The following GRID1 variants were observed in gnomAD, a reference collection of about 807,000 sequenced individuals.
GRID1 encodes the protein glutamate receptor ionotropic, delta-1.
GRID1 carries 28 observed loss-of-function variants against 98.0 expected under a neutral mutation model. That is an observed-to-expected ratio of 0.29 (90% CI 0.21 to 0.39). GRID1 has a LOEUF of 0.39. Ranked by LOEUF, GRID1 falls within the 10% of genes least tolerant of loss-of-function variation. GRID1 has a pLI of 1.00. For synonymous variants in GRID1, 553 were observed against 538.5 expected, an observed-to-expected ratio of 1.03 and a Z score of -0.37; for missense variants, 1,111 against 1,340.5, an observed-to-expected ratio of 0.83 and a Z score of 2.67.
At chr10:85,666,309 C>T (rs1366485176) in intron 12 of GRID1, among the ~76,000 whole-genome samples, 1 of 152,168 alleles carries the variant, frequency 6.6e-6, no homozygotes, top group Non-Finnish European at 1.5e-5. Flanking sequence ...AAACAGAAAG[C>T]ATGAAAGAAC....
intron 8 of GRID1, among the ~76,000 whole-genome samples, chr10:85,807,341 T>G (rs1842631888): frequency 6.7e-6 from 1 of 150,300 alleles, no homozygotes; most frequent in African/African-American, 2.4e-5. Flanking sequence ...CAGGGCAAGA[T>G]TCCATCTCCT....
At chr10:86,231,687 C>G (rs72841786) in intron 2 of GRID1, among the ~76,000 whole-genome samples, 7,711 of 152,214 alleles carry the variant, frequency 0.051, 294 homozygotes, top group Non-Finnish European at 0.079. Flanking sequence ...TTTGCTACCA[C>G]AAAAGGAAGC....
chr10:86,051,701 G>A (rs1454205839), intron 4 of GRID1, among the ~76,000 whole-genome samples: 3 of 152,158 alleles, frequency 2.0e-5, no homozygotes, highest in Admixed American at 2.0e-4. Context: ...GCTTAATCTT[G>A]TTCAAAAGAG....
At chr10:86,063,022 C>T (rs541376077) in intron 4 of GRID1, among the ~76,000 whole-genome samples, 69 of 152,208 alleles carry the variant, frequency 4.5e-4, no homozygotes, top group Non-Finnish European at 8.4e-4. Flanking sequence ...TACAGGGGTC[C>T]GTTCAGGAAT....
At chr10:85,683,908 G>A (rs1335466897) in intron 12 of GRID1, among the ~76,000 whole-genome samples, 1 of 151,980 alleles carries the variant, frequency 6.6e-6, no homozygotes, top group Non-Finnish European at 1.5e-5. Flanking sequence ...CTCTCGCTGG[G>A]CACAAAGGAA....
At chr10:86,174,602 C>T (rs1845546740) in intron 3 of GRID1, among the ~76,000 whole-genome samples, 1 of 152,140 alleles carries the variant, frequency 6.6e-6, no homozygotes, top group Admixed American at 6.5e-5. Context: ...CATGTCTAAA[C>T]ACCAAAAGCA....
chr10:86,202,927 C>T (rs1403826900), intron 3 of GRID1, among the ~76,000 whole-genome samples: 11 of 152,352 alleles, frequency 7.2e-5, no homozygotes, highest in South Asian at 2.1e-4. Context: ...TTGGCATCAA[C>T]TCTGACTGGC....
intron 3 of GRID1, among the ~76,000 whole-genome samples, chr10:86,162,657 T>A (rs1845339539): frequency 6.6e-6 from 1 of 152,212 alleles, no homozygotes; most frequent in Admixed American, 6.5e-5. Flanking sequence ...GCAAAAAGTC[T>A]GTCTGGATCT....
chr10:86,229,022 G>C (rs961724015), intron 2 of GRID1, among the ~76,000 whole-genome samples: 1 of 152,132 alleles, frequency 6.6e-6, no homozygotes, highest in Non-Finnish European at 1.5e-5. Flanking sequence ...CAGTAGGGAG[G>C]GGCTGCCTTG....
intron 4 of GRID1, among the ~76,000 whole-genome samples, chr10:86,136,884 G>A (rs373776964): frequency 4.6e-5 from 7 of 152,304 alleles, no homozygotes; most frequent in South Asian, 2.1e-4. Flanking sequence ...GATGGGATCC[G>A]TACTCTAAAC....
chr10:86,329,020 T>G (rs544630173), intron 2 of GRID1, among the ~76,000 whole-genome samples: 2 of 152,214 alleles, frequency 1.3e-5, no homozygotes, highest in Non-Finnish European at 2.9e-5. Context: ...CCAAAAGCCC[T>G]GTCACTATGG....
intron 4 of GRID1, among the ~76,000 whole-genome samples, chr10:86,032,293 C>G (rs1415727209): frequency 1.3e-5 from 2 of 152,168 alleles, no homozygotes; most frequent in Non-Finnish European, 2.9e-5. Context: ...GTGGGGGGCC[C>G]CTCTGCCCAG....
In GRID1 at chr10:85,916,287, G is replaced by A. The variant is rs1252556566; in HGVS notation, c.727-48C>T. The A allele has an allele frequency of 1.5e-6, 2 of 1,311,172 alleles. No homozygotes were observed. Among genetic ancestry groups the A allele is most frequent in the African/African-American group, 1.4e-5 (1 of 69,372 alleles). The allele number at this position is 1,311,172 out of a possible 1,614,324, so 81.2% of individuals were successfully genotyped here. A position where few individuals can be genotyped will look rare whatever the true frequency, so the allele number is the denominator to read the frequency against. On this transcript the variant is annotated intron_variant, in intron 4 of 15. Transcript: ENST00000327946. This position sits in a 1 kb window ranked among gnomAD's most constrained non-coding sequence, Gnocchi z 4.0. ...CATGAACAGAAGCAAGACAGAAGCTGGCAGACACAGGATGATTGCCGAGAC... is the reference window on the plus strand; with the variant it reads ...CATGAACAGAAGCAAGACAGAAGCTAGCAGACACAGGATGATTGCCGAGAC...
intron 3 of GRID1, among the ~76,000 whole-genome samples, chr10:86,186,159 A>G (rs1845722943): frequency 6.6e-6 from 1 of 152,164 alleles, no homozygotes; most frequent in African/African-American, 2.4e-5. Flanking sequence ...TGTGTCTTTC[A>G]AGGAATTTGT....
At chr10:85,885,737 G>A (rs182941724) in intron 5 of GRID1, among the ~76,000 whole-genome samples, 154 of 152,312 alleles carry the variant, frequency 1.0e-3, no homozygotes, top group Non-Finnish European at 1.7e-3. Context: ...GAATACATCT[G>A]CAGTGTTACT....
Position 85,727,742 on chromosome 10 carries a change from T to C in GRID1, c.1533+113A>G. ...GCCTTTGTGTGGGGAGAATGGTAAC[T>C]GTGGTCTGTTTAGCTGGTCCCAAGG... On this transcript the variant is annotated intron_variant, in intron 10 of 15. Coordinates refer to ENST00000327946, the MANE Select transcript of GRID1 (RefSeq NM_017551.3). 38 of 722,656 alleles carry C rather than the reference T, an allele frequency of 5.3e-5. No individual in the cohort carries two copies. The South Asian group carries it at 6.1e-4, about 12-fold the overall frequency. The allele number at this position is 722,656 out of a possible 1,614,324, so 44.8% of individuals were successfully genotyped here.
At chr10:86,119,812 A>G (rs1412289297) in intron 4 of GRID1, among the ~76,000 whole-genome samples, 1 of 151,856 alleles carries the variant, frequency 6.6e-6, no homozygotes, top group Non-Finnish European at 1.5e-5. Flanking sequence ...TTTTTTTGAG[A>G]CAGAGTCTCA....
At chr10:85,995,164 C>A (rs140053530) in intron 4 of GRID1, among the ~76,000 whole-genome samples, 2 of 151,802 alleles carry the variant, frequency 1.3e-5, no homozygotes, top group South Asian at 2.1e-4. Context: ...TCTCTTATAA[C>A]AATTCAACTT....
intron 2 of GRID1, among the ~76,000 whole-genome samples, chr10:86,318,977 A>G (rs777494389): frequency 1.3e-5 from 2 of 152,140 alleles, no homozygotes; most frequent in Non-Finnish European, 2.9e-5. Flanking sequence ...GGGTTTTAAG[A>G]TGGGGCTTAA....
Sources: allele counts gnomAD v4.1 joint callset (sites outside exome capture counted in the v4.1 genomes callset), GRCh38; gene constraint gnomAD v4.1.1; non-coding constraint Gnocchi (gnomAD v3.1); transcripts MANE v1.5; gene names NCBI Gene and HGNC (gene_info 2026-07-23, HGNC 2026-07-21).